Variants in RNF130 observed in about 807,000 individuals in gnomAD.
RNF130 encodes ring finger protein 130, also known as E3 ubiquitin-protein ligase RNF130.
In RNF130, 21 loss-of-function variants were observed where a neutral mutation model predicts 44.6. The observed-to-expected ratio is 0.47, with a 90% CI of 0.33 to 0.68. The LOEUF (loss-of-function observed/expected upper bound fraction) is 0.68. Ranked by LOEUF, RNF130 falls within the 30% of genes least tolerant of loss-of-function variation. RNF130 has a pLI of 0.02. For synonymous variants in RNF130, 214 were observed against 210.4 expected (o/e 1.02, Z -0.15); for missense variants, 479 against 560.6 (o/e 0.85, Z 1.47).
intron 2 of RNF130, among the ~76,000 whole-genome samples, chr5:180,020,985 AT>A (rs1045919626): frequency 3.7e-4 from 55 of 150,210 alleles, no homozygotes; most frequent in East Asian, 9.8e-4. Context: ...TTAAAATCTA[AT>A]TTTTTTTTTC....
At chr5:179,985,153 CTTTTTTT>C (rs34998254) in intron 3 of RNF130, among the ~76,000 whole-genome samples, 5 of 91,968 alleles carry the variant, frequency 5.4e-5, no homozygotes, top group Non-Finnish European at 7.8e-5. Context: ...TACCCCCTAA[CTTTTTTT>C]TTTTTTTTTT....
At chr5:179,975,084 C>T (rs1296904932) in intron 5 of RNF130, among the ~76,000 whole-genome samples, 2 of 152,240 alleles carry the variant, frequency 1.3e-5, no homozygotes, top group Non-Finnish European at 2.9e-5. Flanking sequence ...CAAGTCTGTT[C>T]AGAGTCCCGT....
chr5:180,011,724 C>G (rs1211151805), intron 3 of RNF130, among the ~76,000 whole-genome samples: 1 of 151,836 alleles, frequency 6.6e-6, no homozygotes, highest in South Asian at 2.1e-4. Flanking sequence ...CCATGACTGC[C>G]ACCACACTCC....
chr5:179,974,696 G>A (rs1358709971), intron 5 of RNF130, among the ~76,000 whole-genome samples: 2 of 152,246 alleles, frequency 1.3e-5, no homozygotes, highest in African/African-American at 2.4e-5. Context: ...GTACTTGGAG[G>A]GCGATGGCTT....
exon 8 of RNF130, chr5:179,912,244 G>T (rs1166284231): frequency 6.6e-6 from 1 of 152,080 alleles, no homozygotes; most frequent in Admixed American, 6.6e-5. Context: ...AGCTACGGAG[G>T]GTCCAAAACA....
At chr5:179,991,623 A>G (rs1763084499) in intron 3 of RNF130, among the ~76,000 whole-genome samples, 1 of 152,120 alleles carries the variant, frequency 6.6e-6, no homozygotes, top group Non-Finnish European at 1.5e-5. Flanking sequence ...CACTTGATCT[A>G]GATCAGTGGC....
intron 7 of RNF130, among the ~76,000 whole-genome samples, chr5:179,944,457 ATTTATTT>A (rs775980071): frequency 1.9e-4 from 28 of 151,306 alleles, no homozygotes; most frequent in East Asian, 5.9e-4. Flanking sequence ...AATTTTCTCA[ATTTATTT>A]TTTATTTTTT....
intron 1 of RNF130, among the ~76,000 whole-genome samples, chr5:180,046,768 G>C (rs561873346): frequency 1.3e-5 from 2 of 152,302 alleles, no homozygotes; most frequent in East Asian, 3.9e-4. Context: ...CTAAGACTGA[G>C]TTGGGTGCTT....
intron 3 of RNF130, among the ~76,000 whole-genome samples, chr5:179,993,059 C>T (rs548547411): frequency 6.6e-6 from 1 of 152,290 alleles, no homozygotes; most frequent in South Asian, 2.1e-4. Flanking sequence ...TGAACACATC[C>T]TTTTTTATGG....
chr5:180,042,681 G>A (rs1160545542), intron 1 of RNF130, among the ~76,000 whole-genome samples: 3 of 152,182 alleles, frequency 2.0e-5, no homozygotes, highest in Admixed American at 6.5e-5. Flanking sequence ...TAGGTGTTCT[G>A]TTCGTTATTT....
In RNF130 at chr5:179,970,868, T is replaced by C. The variant is rs147874398; in HGVS notation, c.849-362A>G. ...AATAGCTAACATAGAAAAATGGAGT[T>C]TCAAAAAGATACTAAATCATGGCTA... On this transcript the variant is annotated intron_variant, in intron 5 of 8. Transcript: ENST00000521389. Among the ~76,000 whole-genome samples, 1,291 of 152,298 alleles carry C rather than the reference T, an allele frequency of 8.5e-3. 25 individuals are homozygous for C. Among genetic ancestry groups the C allele is most frequent in the African/African-American group, 0.03 (1,231 of 41,550 alleles).
chr5:179,960,586 A>G (rs1212504129), intron 8 of RNF130, among the ~76,000 whole-genome samples: 4 of 152,236 alleles, frequency 2.6e-5, no homozygotes, highest in African/African-American at 9.6e-5. Flanking sequence ...GGTCCCACAC[A>G]CTGCCCTGAC....
At chr5:179,976,198 T>C (rs1242621361) in intron 5 of RNF130, among the ~76,000 whole-genome samples, 1 of 152,170 alleles carries the variant, frequency 6.6e-6, no homozygotes, top group Admixed American at 6.5e-5. Flanking sequence ...TAACTCCGAA[T>C]GAAACTGGAA....
In RNF130 at chr5:180,027,651, G is replaced by A. The variant is rs79067939; in HGVS notation, c.442+12802C>T. 2.6e-3 allele frequency among the ~76,000 whole-genome samples: 398 copies of A among 152,232 alleles called. 1 individual carries two copies. Among genetic ancestry groups the A allele is most frequent in the Non-Finnish European group, 4.2e-3 (286 of 68,010 alleles). The stretch of plus-strand genomic sequence containing the variant: ...TCATCCTGAGCACCCACTCCATTAA[G>A]AACCCTAGCAGCCAGGACGCGTGCC... On this transcript the variant is annotated intron_variant, in intron 2 of 8. Transcript: ENST00000521389.
At chr5:179,945,795 GTCA>G in intron 7 of RNF130, among the ~76,000 whole-genome samples, 1 of 152,272 alleles carries the variant, frequency 6.6e-6, no homozygotes, top group Admixed American at 6.5e-5. Context: ...AGGAAACTCT[GTCA>G]TCTGTCCTGG....
intron 8 of RNF130, among the ~76,000 whole-genome samples, chr5:179,961,994 A>G (rs1239792130): frequency 6.6e-6 from 1 of 152,338 alleles, no homozygotes; most frequent in African/African-American, 2.4e-5. Flanking sequence ...TCCTAGCATT[A>G]TCTGTTTATG....
At chr5:180,001,761 T>C (rs1669911086) in intron 3 of RNF130, among the ~76,000 whole-genome samples, 1 of 152,042 alleles carries the variant, frequency 6.6e-6, no homozygotes, top group African/African-American at 2.4e-5. Context: ...AGCTGTTGTG[T>C]GGACCCAGCA....
In RNF130 at chr5:179,982,772, C is replaced by T. The variant is rs190646514; in HGVS notation, c.694-2572G>A. Among the ~76,000 whole-genome samples, 471 of 152,192 alleles carry T rather than the reference C, an allele frequency of 3.1e-3. 2 individuals are homozygous for T. Among genetic ancestry groups the T allele is most frequent in the Middle Eastern group, 0.01 (3 of 294 alleles). On this transcript the variant is annotated intron_variant, in intron 3 of 8. Transcript: ENST00000521389. ...TTTTTTATTTTTATTTTTGTAGAGA[C>T]GAGGTCTCACTATGTTGCCCAGGCT...
intron 1 of RNF130, among the ~76,000 whole-genome samples, chr5:180,060,710 G>A (rs1051606551): frequency 1.7e-4 from 26 of 152,156 alleles, no homozygotes; most frequent in African/African-American, 6.3e-4. Context: ...CTGGAGAAAG[G>A]TACACCGCTT....
Sources: gnomAD v4.1 joint callset for allele counts (sites outside exome capture counted in the v4.1 genomes callset) on GRCh38, gnomAD v4.1.1 for gene constraint, MANE v1.5 for transcripts, NCBI Gene and HGNC (gene_info 2026-07-23, HGNC 2026-07-21) for gene names.